EFR3A: variants seen among roughly 807,000 people sequenced by gnomAD.
EFR3A encodes EFR3 homolog A.
Under a neutral mutation model 104.4 loss-of-function variants are expected in EFR3A, and 76 were observed. That is an observed-to-expected ratio of 0.73 (90% CI 0.60 to 0.88). The LOEUF (loss-of-function observed/expected upper bound fraction) is 0.88, where lower values mean the gene tolerates loss of function less well. EFR3A is among the 40% of genes least tolerant of loss of function. EFR3A has a pLI of 0.00. For missense variants in EFR3A, 985 were observed against 1,012.5 expected (o/e 0.97, Z 0.37); for synonymous variants, 330 against 330.0 (o/e 1.00, Z 0.00).
Position 131,976,051 on chromosome 8 carries a change from A to T in EFR3A, c.1184A>T (p.Asp395Val), listed in dbSNP as rs750892238. 2.4e-5 allele frequency: 38 copies of T among 1,604,880 alleles called. No individual in the cohort carries two copies. Among genetic ancestry groups the T allele is most frequent in the Non-Finnish European group, 3.1e-5 (37 of 1,175,114 alleles). Residue 395 changes from aspartate to valine, a missense_variant, in exon 11 of 23, where the codon GAT becomes GTT. Physicochemically the swap from Asp to Val is radical, Grantham distance 152. Transcript: ENST00000254624. ...GGATTTTTTGGAAGTAACCTACCAGATTATCAGAGGTCAGAAATCATGATG... is the reference window on the plus strand; with the variant it reads ...GGATTTTTTGGAAGTAACCTACCAGTTTATCAGAGGTCAGAAATCATGATG... ...TIGFFGSNLP[D>V]YQRSEIMMFI...
At chr8:131,917,534 GC>G (rs1367971834) in intron 1 of EFR3A, among the ~76,000 whole-genome samples, 1 of 152,186 alleles carries the variant, frequency 6.6e-6, no homozygotes, top group Non-Finnish European at 1.5e-5. Context: ...CTTTGCTTTT[GC>G]CAAAATTGGC....
rs1271313987 is a variant in EFR3A, at chr8:131,956,892, A to AT, written c.776+994dup. On this transcript the variant is annotated intron_variant, in intron 7 of 22. Coordinates refer to ENST00000254624, the MANE Select transcript of EFR3A (RefSeq NM_015137.6). ...CACCAAATATACTAAAGGCAAATTT[A>AT]TTTTTTTAATATCTAGATGTGCTGA... Among the ~76,000 whole-genome samples, 5 of 152,112 alleles carry AT rather than the reference A, an allele frequency of 3.3e-5. No individual in the cohort carries two copies. The East Asian group carries it at 9.6e-4, about 29-fold the overall frequency.
rs1385442061 is a variant in EFR3A at position 131,986,215 on chromosome 8, G to A, written c.1891G>A (p.Glu631Lys). The A allele has an allele frequency of 1.9e-6, 3 of 1,593,538 alleles. No individual in the cohort carries two copies. The highest frequency in any genetic ancestry group is 3.4e-5 in the Admixed American group (2 of 58,938). The change falls in exon 17 of 23, where the codon GAA becomes AAA. Residue 631 changes from glutamate (E) to lysine (K), a missense_variant. By Grantham distance (56) the Glu-to-Lys change is moderately conservative. Transcript: ENST00000254624. ...VSKVIEIRTMEAPYFLPEHIF... is the reference protein window; with the variant it reads ...VSKVIEIRTMKAPYFLPEHIF... The stretch of plus-strand genomic sequence containing the variant: ...TTAGGTTATTGAAATTCGAACTATG[G>A]AAGCCCCTTATTTTCTACCAGAGCA...
At chr8:131,917,675 T>G (rs1301798859) in intron 1 of EFR3A, among the ~76,000 whole-genome samples, 1 of 152,164 alleles carries the variant, frequency 6.6e-6, no homozygotes, top group Non-Finnish European at 1.5e-5. Flanking sequence ...AAGAGTAGAT[T>G]AAGTTTATCT....
chr8:131,987,537 T>G (rs1468661790), intron 17 of EFR3A, 38 bp from the exon 18 acceptor site: 1 of 1,557,942 alleles, frequency 6.4e-7, no homozygotes, highest in African/African-American at 1.4e-5. Context: ...GCTCAGTAAT[T>G]TAATACTGAA....
At chr8:132,003,608 A>T (rs1245094837) in intron 22 of EFR3A, among the ~76,000 whole-genome samples, 2 of 152,198 alleles carry the variant, frequency 1.3e-5, no homozygotes, top group Non-Finnish European at 2.9e-5. Flanking sequence ...TAATTAGGAA[A>T]TTGCTCATAT....
intron 19 of EFR3A, among the ~76,000 whole-genome samples, chr8:132,001,354 C>T (rs74886406): frequency 0.016 from 2,491 of 152,200 alleles, 60 homozygotes; most frequent in African/African-American, 0.055. Flanking sequence ...TATCACATGG[C>T]TAAAAATGTA....
chr8:132,006,562 A>G (rs1169327597), intron 22 of EFR3A, among the ~76,000 whole-genome samples: 1 of 152,064 alleles, frequency 6.6e-6, no homozygotes, highest in Non-Finnish European at 1.5e-5. Context: ...CTACAAGAAA[A>G]TGCATTTAAC....
chr8:131,994,829 C>G (rs183491220), intron 18 of EFR3A, among the ~76,000 whole-genome samples: 3 of 152,242 alleles, frequency 2.0e-5, no homozygotes, highest in African/African-American at 7.2e-5. Context: ...GAATCCTGCT[C>G]AGTCACACAA....
At chr8:131,959,491 AT>A in intron 7 of EFR3A, 93 bp from the exon 8 acceptor site, 1 of 923,628 alleles carries the variant, frequency 1.1e-6, no homozygotes, top group Non-Finnish European at 1.7e-6. Context: ...TTTAGGTAAT[AT>A]TCTCACTATT....
chr8:131,914,973 A>G (rs1816680517), intron 1 of EFR3A, among the ~76,000 whole-genome samples: 1 of 152,160 alleles, frequency 6.6e-6, no homozygotes, highest in Non-Finnish European at 1.5e-5. Flanking sequence ...TGTTCCCACA[A>G]AAGACATGAT....
intron 1 of EFR3A, among the ~76,000 whole-genome samples, chr8:131,934,257 G>A (rs1817762002): frequency 6.6e-6 from 1 of 152,110 alleles, no homozygotes; most frequent in Non-Finnish European, 1.5e-5. Flanking sequence ...GTCCTGCCTA[G>A]TGTTGCTTGC....
At chr8:132,009,989 T>C (rs894435780) in intron 22 of EFR3A, among the ~76,000 whole-genome samples, 3 of 151,992 alleles carry the variant, frequency 2.0e-5, no homozygotes, top group African/African-American at 7.2e-5. Flanking sequence ...TTAGAGGCAG[T>C]GGACTTAAAT....
intron 11 of EFR3A, among the ~76,000 whole-genome samples, chr8:131,976,417 A>G (rs1820329914): frequency 6.6e-6 from 1 of 152,114 alleles, no homozygotes; most frequent in Non-Finnish European, 1.5e-5. Context: ...ATTTAGGGTA[A>G]AGCTTCAAGT....
At chr8:131,990,125 G>A (rs901825122) in intron 18 of EFR3A, among the ~76,000 whole-genome samples, 6 of 152,190 alleles carry the variant, frequency 3.9e-5, no homozygotes, top group Admixed American at 2.0e-4. Flanking sequence ...AACAAGACGG[G>A]TAGGTCCCTA....
intron 9 of EFR3A, 69 bp from the exon 10 acceptor site, chr8:131,970,407 A>T: frequency 7.2e-7 from 1 of 1,391,694 alleles, no homozygotes; most frequent in East Asian, 2.4e-5. Context: ...CTGTGGAGAA[A>T]TAAGGTAATT....
chr8:131,913,851 A>T (rs1563809003), intron 1 of EFR3A, among the ~76,000 whole-genome samples: 1 of 152,228 alleles, frequency 6.6e-6, no homozygotes, highest in Non-Finnish European at 1.5e-5. Context: ...CTGGAATCTC[A>T]TAAACTTTGC....
intron 4 of EFR3A, among the ~76,000 whole-genome samples, chr8:131,948,143 C>A (rs917616277): frequency 6.6e-6 from 1 of 151,976 alleles, no homozygotes; most frequent in African/African-American, 2.4e-5. Context: ...TCATATATTA[C>A]CTGCTATTGT....
chr8:131,914,140 T>TG (rs1260607656), intron 1 of EFR3A, among the ~76,000 whole-genome samples: 1 of 152,058 alleles, frequency 6.6e-6, no homozygotes, highest in East Asian at 1.9e-4. Flanking sequence ...GCATCTACAG[T>TG]GGGGGGGACA....
Sources: gnomAD v4.1 joint callset for allele counts (sites outside exome capture counted in the v4.1 genomes callset) on GRCh38, gnomAD v4.1.1 for gene constraint, MANE v1.5 for transcripts, NCBI Gene and HGNC (gene_info 2026-07-23, HGNC 2026-07-21) for gene names.